Variants in MYO18B observed in about 807,000 individuals in gnomAD.
MYO18B encodes unconventional myosin-XVIIIb.
MYO18B carries 204 observed loss-of-function variants against 273.0 expected under a neutral mutation model. The ratio of observed to expected loss-of-function variants is 0.75; its 90% confidence interval spans 0.67 to 0.84. MYO18B has a LOEUF of 0.84. MYO18B is among the 40% of genes least tolerant of loss of function. MYO18B has a pLI of 0.00. For missense variants in MYO18B, 3,212 were observed against 3,287.6 expected (o/e 0.98, Z 0.56); for synonymous variants, 1,330 against 1,305.7 (o/e 1.02, Z -0.40).
intron 33 of MYO18B, among the ~76,000 whole-genome samples, chr22:25,916,530 C>T (rs1462062905): frequency 6.6e-6 from 1 of 152,022 alleles, no homozygotes; most frequent in African/African-American, 2.4e-5. Context: ...CTTGTTGTAT[C>T]TTTTGTTCTT....
chr22:25,934,333 TC>T (rs2092549802), intron 34 of MYO18B, among the ~76,000 whole-genome samples: 1 of 152,186 alleles, frequency 6.6e-6, no homozygotes, highest in Non-Finnish European at 1.5e-5. Context: ...GTGTTAAACA[TC>T]TTAGAATCCA....
At chr22:25,807,809 A>T (rs1419248461) in intron 12 of MYO18B, among the ~76,000 whole-genome samples, 2 of 152,006 alleles carry the variant, frequency 1.3e-5, no homozygotes, top group Non-Finnish European at 2.9e-5. Flanking sequence ...GATGGGAGCT[A>T]TTGGCGTGGC....
rs5752206 is a variant in MYO18B at position 25,782,853 on chromosome 22, A to G, written c.2312+1019A>G. ...AACTGAGCAGCAGGGAAACTTCTAG[A>G]AGATCTTGAGAATCTGTAGAAGAAC... On this transcript the variant is annotated intron_variant, in intron 10 of 43. Coordinates refer to ENST00000335473, the MANE Select transcript of MYO18B (RefSeq NM_032608.7). 1.8e-3 allele frequency among the ~76,000 whole-genome samples: 269 copies of G among 152,310 alleles called. 2 individuals are homozygous for G. In the East Asian group the frequency reaches 0.039, roughly 22 times the overall value.
At chr22:25,744,781 G>A (rs1017218343) in intron 1 of MYO18B, among the ~76,000 whole-genome samples, 6 of 152,062 alleles carry the variant, frequency 3.9e-5, no homozygotes, top group Non-Finnish European at 7.4e-5. Context: ...TAAATTTTCT[G>A]AAAAATGGAG....
chr22:25,932,399 T>C (rs28628482), intron 34 of MYO18B, among the ~76,000 whole-genome samples: 9 of 82,224 alleles, frequency 1.1e-4, no homozygotes, highest in Non-Finnish European at 2.0e-4. Context: ...TCTTTTCTTT[T>C]TTCTTTTCTT....
intron 15 of MYO18B, among the ~76,000 whole-genome samples, chr22:25,830,468 T>C (rs192199183): frequency 1.4e-4 from 21 of 152,200 alleles, no homozygotes; most frequent in African/African-American, 4.6e-4. Flanking sequence ...CAGATTCAGG[T>C]GTAGGTTGGG....
In MYO18B at chr22:25,792,497, C is replaced by CTTTTTTTTTTT. The variant is rs58679561; in HGVS notation, c.2377-5450_2377-5440dup. 2.9e-4 allele frequency among the ~76,000 whole-genome samples: 31 copies of CTTTTTTTTTTT among 107,930 alleles called. 3 individuals are homozygous for CTTTTTTTTTTT. The highest frequency in any genetic ancestry group is 6.2e-4 in the Admixed American group (5 of 8,034). 70.8% of individuals were successfully genotyped at this position (107,930 alleles called of 152,430 possible). ...GTGATGTTTCTTTTTTTTTTCTTTT[C>CTTTTTTTTTTT]TTTTTTTTTTTTTTTTGAGACAGAG... On this transcript the variant is annotated intron_variant, in intron 11 of 43. Coordinates refer to ENST00000335473, the MANE Select transcript of MYO18B (RefSeq NM_032608.7).
chr22:25,923,678 T>C (rs1008197560), intron 34 of MYO18B, among the ~76,000 whole-genome samples: 1 of 152,166 alleles, frequency 6.6e-6, no homozygotes, highest in African/African-American at 2.4e-5. Context: ...GGCTTGCTTC[T>C]AGGTAGGCAG....
intron 12 of MYO18B, among the ~76,000 whole-genome samples, chr22:25,807,827 T>A (rs1333218273): frequency 6.6e-6 from 1 of 152,084 alleles, no homozygotes; most frequent in African/African-American, 2.4e-5. Flanking sequence ...GGCCATATCT[T>A]GCCATAGTGG....
intron 25 of MYO18B, among the ~76,000 whole-genome samples, chr22:25,879,159 C>T (rs970707629): frequency 5.9e-5 from 9 of 152,208 alleles, no homozygotes; most frequent in African/African-American, 2.2e-4. Context: ...ACGCTCATTC[C>T]TTTATGTGTA....
At chr22:25,850,937 C>T (rs575871410) in intron 20 of MYO18B, among the ~76,000 whole-genome samples, 2 of 152,200 alleles carry the variant, frequency 1.3e-5, no homozygotes, top group Non-Finnish European at 2.9e-5. Flanking sequence ...CTTCTCTTCC[C>T]AGTTCCCCAC....
chr22:25,846,909 G>A (rs2090263612), intron 19 of MYO18B, among the ~76,000 whole-genome samples: 1 of 152,028 alleles, frequency 6.6e-6, no homozygotes, highest in African/African-American at 2.4e-5. Context: ...GTGAAACCCT[G>A]TCTTTACTAA....
intron 25 of MYO18B, among the ~76,000 whole-genome samples, chr22:25,879,858 C>T (rs1411100018): frequency 3.3e-5 from 5 of 152,128 alleles, no homozygotes; most frequent in African/African-American, 1.2e-4. Flanking sequence ...TCCTACATGG[C>T]TGGAGCAGGA....
In MYO18B at chr22:25,851,582, A is replaced by T; in HGVS notation, c.3885+3A>T. Reference sequence around the variant, plus strand: ...CCGAGGGAATAGATGAAAGGAAGGTAGGTGGAGCACATGCGAGAGGGGTGA... The same window carrying T: ...CCGAGGGAATAGATGAAAGGAAGGTTGGTGGAGCACATGCGAGAGGGGTGA... On this transcript the variant is annotated splice_donor_region_variant and intron_variant, in intron 21 of 43. Coordinates refer to ENST00000335473, the MANE Select transcript of MYO18B (RefSeq NM_032608.7). The T allele has an allele frequency of 1.3e-6, 2 of 1,547,576 alleles. No individual in the cohort carries two copies. Among genetic ancestry groups the T allele is most frequent in the Non-Finnish European group, 1.8e-6 (2 of 1,142,272 alleles).
At chr22:26,017,962 GTTTTGTTT>G (rs1356174547) in intron 42 of MYO18B, among the ~76,000 whole-genome samples, 1,285 of 117,478 alleles carry the variant, frequency 0.011, 40 homozygotes, top group African/African-American at 0.041. Flanking sequence ...CAATTTTACT[GTTTTGTTT>G]TTTTTTTTTT....
chr22:25,745,558 A>T (rs2085755450), intron 1 of MYO18B, among the ~76,000 whole-genome samples: 1 of 151,786 alleles, frequency 6.6e-6, no homozygotes, highest in African/African-American at 2.4e-5. Context: ...CTTCATATGA[A>T]TCTCTCCTCT....
chr22:25,753,069 A>G (rs2085986215), intron 1 of MYO18B, among the ~76,000 whole-genome samples: 1 of 147,048 alleles, frequency 6.8e-6, no homozygotes, highest in South Asian at 2.2e-4. Context: ...GCAGCCTGCC[A>G]TACCCGAGCC....
the MYO18B span, among the ~76,000 whole-genome samples, chr22:26,043,688 G>A: frequency 6.6e-6 from 1 of 150,378 alleles, no homozygotes; most frequent in African/African-American, 2.4e-5. Flanking sequence ...TTTTTTTTTT[G>A]TATTTTTAGT....
chr22:25,878,059 C>A lies in MYO18B; in HGVS notation c.4314+11C>A. 3.2e-6 allele frequency: 5 copies of A among 1,568,538 alleles called. No homozygotes were observed. The highest frequency in any genetic ancestry group is 4.3e-6 in the Non-Finnish European group (5 of 1,155,644). On this transcript the variant is annotated intron_variant, in intron 25 of 43. Coordinates refer to ENST00000335473, the MANE Select transcript of MYO18B (RefSeq NM_032608.7). ...CTGCTAGAAAGCAAGGTATCCCCAT[C>A]CCTCCTCTTGGGTCCTTGTGGGGGG... is the stretch of plus-strand genomic sequence containing the variant.
Sources: gnomAD v4.1 joint callset for allele counts (sites outside exome capture counted in the v4.1 genomes callset) on GRCh38, gnomAD v4.1.1 for gene constraint, MANE v1.5 for transcripts, NCBI Gene and HGNC (gene_info 2026-07-23, HGNC 2026-07-21) for gene names.